Variants in TFIP11 observed in about 807,000 individuals in gnomAD.
TFIP11 encodes tuftelin-interacting protein 11.
In TFIP11, 86 loss-of-function variants were observed where a neutral mutation model predicts 96.8. The ratio of observed to expected loss-of-function variants is 0.89; its 90% confidence interval spans 0.75 to 1.06. The LOEUF (loss-of-function observed/expected upper bound fraction) is 1.06, where lower values mean the gene tolerates loss of function less well. Among genes scored for constraint, TFIP11 ranks in the 50% least tolerant of loss-of-function variants. The probability of loss-of-function intolerance (pLI) is 0.00; values close to 1 mark genes in which losing one functional copy is unlikely to be tolerated. For missense variants in TFIP11, 881 were observed against 1,076.7 expected, an observed-to-expected ratio of 0.82 and a Z score of 2.54; for synonymous variants, 405 against 395.2, an observed-to-expected ratio of 1.02 and a Z score of -0.29.
At position 26,507,630 on chromosome 22, in the gene TFIP11, C is replaced by CA. The variant is rs134137; in HGVS notation, c.210-703dup. ...GGGCAAAAGAGTGAGACCTTATCTC[C>CA]AAAAAAAAAAAAAAAAGAAAAGAAA... On this transcript the variant is annotated intron_variant, in intron 4 of 14. Coordinates refer to ENST00000407690, the MANE Select transcript of TFIP11 (RefSeq NM_012143.4). 9.7e-3 allele frequency among the ~76,000 whole-genome samples: 1,117 copies of CA among 115,528 alleles called. 21 individuals are homozygous for CA. Among genetic ancestry groups the CA allele is most frequent in the East Asian group, 0.063 (263 of 4,196 alleles). The allele number at this position is 115,528 out of a possible 152,430, so 75.8% of individuals were successfully genotyped here.
chr22:26,494,186 A>G lies in TFIP11; in HGVS notation c.2111T>C (p.Phe704Ser). ...VLAHPSVKDKFNEALDIMNRA... is the reference protein window; with the variant it reads ...VLAHPSVKDKSNEALDIMNRA... Reference sequence around the variant, plus strand: ...GTTCATGATATCAAGTGCCTCATTAAATTTGTCCTTGACAGATGGATGTGC... The same window carrying G: ...GTTCATGATATCAAGTGCCTCATTAGATTTGTCCTTGACAGATGGATGTGC... Residue 704 changes from phenylalanine to serine, a missense_variant, in exon 14 of 15, where the codon TTT becomes TCT. Transcript: ENST00000407690. 6.2e-7 allele frequency: 1 copy of G among 1,614,170 alleles called. No individual in the cohort carries two copies. The highest frequency in any genetic ancestry group is 8.5e-7 in the Non-Finnish European group (1 of 1,180,030).
chr22:26,500,162 T>C (rs1235968133), intron 8 of TFIP11, among the ~76,000 whole-genome samples: 1 of 152,174 alleles, frequency 6.6e-6, no homozygotes, highest in African/African-American at 2.4e-5. Flanking sequence ...CAAAGTTTTT[T>C]TAAATTTAAT....
chr22:26,494,455 T>C (rs1202308777), intron 13 of TFIP11, 151 bp from the exon 14 acceptor site: 12 of 953,758 alleles, frequency 1.3e-5, no homozygotes, highest in Admixed American at 7.1e-5. Flanking sequence ...CTAGCACTTA[T>C]GAATATGGAT....
intron 4 of TFIP11, 29 bp from the exon 5 acceptor site, chr22:26,506,957 G>A: frequency 6.2e-7 from 1 of 1,608,556 alleles, no homozygotes; most frequent in African/African-American, 1.3e-5. Flanking sequence ...AGCCCCACCA[G>A]GTCGGTAAAG....
intron 8 of TFIP11, among the ~76,000 whole-genome samples, chr22:26,499,863 C>G (rs534708830): frequency 5.9e-5 from 9 of 152,058 alleles, no homozygotes; most frequent in Non-Finnish European, 1.3e-4. Context: ...TGTGAACAAG[C>G]CAGATGGAGA....
In TFIP11 at chr22:26,512,033, G is replaced by A. The variant is rs1021449090; in HGVS notation, c.-96+66C>T. 4 of 152,286 alleles carry A rather than the reference G, an allele frequency of 2.6e-5. No homozygotes were observed. The South Asian group carries it at 8.3e-4, about 32-fold the overall frequency. 9.4% of individuals were successfully genotyped at this position (152,286 alleles called of 1,614,324 possible). On this transcript the variant is annotated intron_variant, in intron 2 of 14. Coordinates refer to ENST00000407690, the MANE Select transcript of TFIP11 (RefSeq NM_012143.4). ...TGTCTGCATCAAGACACTTCTGCAA[G>A]GTAGGTACCGTTAGTTTTCATGCTT...
At chr22:26,508,822 C>A (rs949330526) in intron 4 of TFIP11, among the ~76,000 whole-genome samples, 1 of 145,984 alleles carries the variant, frequency 6.9e-6, no homozygotes, top group Non-Finnish European at 1.5e-5. Context: ...TCCAGCCTGG[C>A]GACAGAGCAA....
rs115358886 is a variant in TFIP11, at chr22:26,491,828, G to C, written c.*185C>G. 5.4e-3 allele frequency: 4,971 copies of C among 912,946 alleles called. 168 individuals are homozygous for C. In the African/African-American group the frequency reaches 0.074, roughly 14 times the overall value. The allele number at this position is 912,946 out of a possible 1,614,324, so 56.6% of individuals were successfully genotyped here. A position where few individuals can be genotyped will look rare whatever the true frequency, so the allele number is the denominator to read the frequency against. On this transcript the variant is annotated 3_prime_UTR_variant, in exon 15 of 15. Transcript: ENST00000407690. The stretch of plus-strand genomic sequence containing the variant: ...AGGACGATACCCCACATGAGGACTT[G>C]GTATAAAGATTCCTGCCCTACGTGG...
intron 7 of TFIP11, among the ~76,000 whole-genome samples, chr22:26,503,017 T>C (rs1301647798): frequency 6.6e-6 from 1 of 152,228 alleles, no homozygotes; most frequent in African/African-American, 2.4e-5. Flanking sequence ...CTTTGCAGCA[T>C]CCTGCTTTCC....
In TFIP11 at chr22:26,495,390, G is replaced by A. The variant is rs956091602; in HGVS notation, c.1850-451C>T. 1.9e-4 allele frequency among the ~76,000 whole-genome samples: 27 copies of A among 142,736 alleles called. No individual in the cohort carries two copies. In the East Asian group the frequency reaches 2.9e-3, roughly 15 times the overall value. 93.6% of individuals were successfully genotyped at this position (142,736 alleles called of 152,430 possible). On this transcript the variant is annotated intron_variant, in intron 12 of 14. Coordinates refer to ENST00000407690, the MANE Select transcript of TFIP11 (RefSeq NM_012143.4). ...CCTCCGAGGTTCAAGCCATCCTCCCGCCTCAGCCTCCCTAGTAGCTGGGAC... is the reference window on the plus strand; with the variant it reads ...CCTCCGAGGTTCAAGCCATCCTCCCACCTCAGCCTCCCTAGTAGCTGGGAC...
At position 26,491,661 on chromosome 22, in the gene TFIP11, G is replaced by C; in HGVS notation, c.*352C>G. The C allele has an allele frequency of 6.2e-7, 1 of 1,610,348 alleles. No individual in the cohort carries two copies. The highest frequency in any genetic ancestry group is 8.5e-7 in the Non-Finnish European group (1 of 1,179,998). On this transcript the variant is annotated 3_prime_UTR_variant, in exon 15 of 15. Coordinates refer to ENST00000407690, the MANE Select transcript of TFIP11 (RefSeq NM_012143.4). The stretch of plus-strand genomic sequence containing the variant: ...CAGGAACAAGAGAGAAGATCCTTCT[G>C]CTACTGACTGAACTCGTTGTGAGGT...
chr22:26,495,048 G>A (rs374118546), intron 12 of TFIP11, 109 bp from the exon 13 acceptor site: 93 of 1,450,816 alleles, frequency 6.4e-5, no homozygotes, highest in East Asian at 3.5e-4. Flanking sequence ...AGCAACCTCC[G>A]CCTCCCGGGT....
rs752259502 is a variant in TFIP11 at position 26,492,105 on chromosome 22, C to T, written c.2422G>A (p.Val808Met). Reference sequence around the variant, plus strand: ...ACCACTCCCCGGTCGATGTAGATCACAATGCGGCCAAAGGTGTAGAGCTGC... The same window carrying T: ...ACCACTCCCCGGTCGATGTAGATCATAATGCGGCCAAAGGTGTAGAGCTGC... The part of the protein sequence containing the change: ...GKQLYTFGRI[V>M]IYIDRGVVFV... The change falls in exon 15 of 15, where the codon GTG (valine) becomes ATG (methionine). Residue 808 changes from valine (V) to methionine (M), a missense_variant. Val to Met is a conservative substitution (Grantham distance 21). Transcript: ENST00000407690. 3 of 1,614,012 alleles carry T rather than the reference C, an allele frequency of 1.9e-6. No homozygotes were observed. The highest frequency in any genetic ancestry group is 2.5e-6 in the Non-Finnish European group (3 of 1,180,006).
At chr22:26,506,566 A>G in intron 5 of TFIP11, 107 bp from the exon 6 acceptor site, 1 of 1,425,010 alleles carries the variant, frequency 7.0e-7, no homozygotes, top group Non-Finnish European at 9.4e-7. Flanking sequence ...AGCACTATGA[A>G]AAGTGTCATA....
intron 12 of TFIP11, 115 bp downstream of exon 12, chr22:26,495,958 T>G: frequency 7.0e-7 from 1 of 1,426,962 alleles, no homozygotes; most frequent in South Asian, 1.4e-5. Flanking sequence ...CAAGGAATAT[T>G]GTGTACTAAG....
At position 26,499,325 on chromosome 22, in the gene TFIP11, T is replaced by C; in HGVS notation, c.1108A>G (p.Ile370Val). The change falls in exon 9 of 15, where the codon ATC (isoleucine) becomes GTC (valine). Residue 370 changes from isoleucine to valine, a missense_variant. Coordinates refer to ENST00000407690, the MANE Select transcript of TFIP11 (RefSeq NM_012143.4). The stretch of plus-strand genomic sequence containing the variant: ...TCCAGGACCTTGCTGAGGTTCGAGA[T>C]GACCCGCTCCTCGTGGTCCAGGACC... ...TEVLDHEERV[I>V]SNLSKVLEMV... The C allele has an allele frequency of 6.2e-7, 1 of 1,614,188 alleles. No individual in the cohort carries two copies. The highest frequency in any genetic ancestry group is 2.2e-5 in the East Asian group (1 of 44,876).
intron 3 of TFIP11, 58 bp downstream of exon 3, chr22:26,510,559 T>G: frequency 2.5e-6 from 1 of 397,596 alleles, no homozygotes; most frequent in Non-Finnish European, 4.6e-6. Context: ...ATCACACATA[T>G]TCACACATAC....
chr22:26,492,058 C>A lies in TFIP11; in HGVS notation c.2469G>T (p.Thr823=). 6.2e-7 allele frequency: 1 copy of A among 1,609,062 alleles called. No homozygotes were observed. The highest frequency in any genetic ancestry group is 8.5e-7 in the Non-Finnish European group (1 of 1,177,732). ...RGVVFVQGEK[T]WVPTSLQSLI... The stretch of plus-strand genomic sequence containing the variant: ...GGCTCTGCAGTGAGGTGGGCACCCA[C>A]GTCTTCTCGCCCTGGACAAAGACCA... The change falls in exon 15 of 15, where the codon ACG becomes ACT. Residue 823 remains threonine (T), a synonymous_variant. Transcript: ENST00000407690.
Position 26,492,086 on chromosome 22 carries a change from C to T in TFIP11, c.2441G>A (p.Gly814Glu), listed in dbSNP as rs772765613. 1 of 1,613,482 alleles carries T rather than the reference C, an allele frequency of 6.2e-7. No homozygotes were observed. Among genetic ancestry groups the T allele is most frequent in the Admixed American group, 1.7e-5 (1 of 59,918 alleles). The change falls in exon 15 of 15, where the codon GGA becomes GAA. Residue 814 changes from glycine to glutamate, a missense_variant. By Grantham distance (98) the Gly-to-Glu change is moderately conservative. Coordinates refer to ENST00000407690, the MANE Select transcript of TFIP11 (RefSeq NM_012143.4). ...FGRIVIYIDRGVVFVQGEKTW... is the reference protein window; with the variant it reads ...FGRIVIYIDREVVFVQGEKTW... The stretch of plus-strand genomic sequence containing the variant: ...CTTCTCGCCCTGGACAAAGACCACT[C>T]CCCGGTCGATGTAGATCACAATGCG...
Sources: allele counts gnomAD v4.1 joint callset (sites outside exome capture counted in the v4.1 genomes callset), GRCh38; gene constraint gnomAD v4.1.1; transcripts MANE v1.5; gene names NCBI Gene and HGNC (gene_info 2026-07-23, HGNC 2026-07-21).